DSCAM: variants seen among roughly 807,000 people sequenced by gnomAD.
The protein encoded by DSCAM is DS cell adhesion molecule.
A neutral mutation model predicts 217.7 loss-of-function variants in DSCAM; 47 were observed. The ratio of observed to expected loss-of-function variants is 0.22; its 90% CI spans 0.17 to 0.28. DSCAM has a LOEUF of 0.28. DSCAM is among the 10% of genes least tolerant of loss of function. The pLI is 1.00. For synonymous variants in DSCAM, 1,056 were observed against 1,015.3 expected, an observed-to-expected ratio of 1.04 and a Z score of -0.76; for missense variants, 2,080 against 2,618.3, an observed-to-expected ratio of 0.79 and a Z score of 4.49.
intron 15 of DSCAM, among the ~76,000 whole-genome samples, chr21:40,176,663 GA>G (rs1312846558): frequency 1.3e-5 from 2 of 152,198 alleles, no homozygotes; most frequent in African/African-American, 4.8e-5. Context: ...TTCATTTCTA[GA>G]ACCTGCTCCT....
chr21:40,688,463 C>T lies in DSCAM; in HGVS notation c.508+4347G>A, dbSNP rs13052618. Among the ~76,000 whole-genome samples the T allele has an allele frequency of 3.7e-3, 567 of 152,304 alleles. 2 individuals carry two copies. The highest frequency in any genetic ancestry group is 6.8e-3 in the Non-Finnish European group (460 of 68,032). ...CAAAAGCATGTCATTATTCAAGCTA[C>T]TATATTTTTACTGGGCTACATTAAT... On this transcript the variant is annotated intron_variant, in intron 3 of 32. Transcript: ENST00000400454.
Position 40,316,338 on chromosome 21 carries a change from T to G in DSCAM, c.1784-3979A>C, listed in dbSNP as rs566667800. 2.6e-5 allele frequency among the ~76,000 whole-genome samples: 4 copies of G among 152,344 alleles called. No homozygotes were observed. In the South Asian group the frequency reaches 8.3e-4, roughly 32 times the overall value. ...CCTATTTGTCAATCATGTCAATTCTTTCTTCACTGCTTAAGTTGCCTTGCT... is the reference window on the plus strand; with the variant it reads ...CCTATTTGTCAATCATGTCAATTCTGTCTTCACTGCTTAAGTTGCCTTGCT... On this transcript the variant is annotated intron_variant, in intron 8 of 32. Coordinates refer to ENST00000400454, the MANE Select transcript of DSCAM (RefSeq NM_001389.5).
intron 4 of DSCAM, among the ~76,000 whole-genome samples, chr21:40,358,869 T>C (rs1042147377): frequency 1.4e-5 from 2 of 146,812 alleles, no homozygotes; most frequent in Admixed American, 6.8e-5. Context: ...TGAAAAAAAA[T>C]TGAAAATCAT....
chr21:40,175,805 A>ACACACACACACACACG (rs879840957), intron 15 of DSCAM, among the ~76,000 whole-genome samples: 4 of 112,536 alleles, frequency 3.6e-5, no homozygotes, highest in East Asian at 4.8e-4. Flanking sequence ...ACACACACAC[A>ACACACACACACACACG]CACGCACACA....
chr21:40,662,674 G>A (rs1020719483), intron 3 of DSCAM, among the ~76,000 whole-genome samples: 1 of 152,136 alleles, frequency 6.6e-6, no homozygotes, highest in African/African-American at 2.4e-5. Flanking sequence ...ATGGGAGGTG[G>A]GGCAGAATGG....
At chr21:40,757,633 A>G (rs777556971) in intron 1 of DSCAM, among the ~76,000 whole-genome samples, 10 of 152,218 alleles carry the variant, frequency 6.6e-5, no homozygotes, top group Non-Finnish European at 1.2e-4. Flanking sequence ...CAGAGGGTAA[A>G]GAGCATGTGC....
At chr21:40,212,989 G>T (rs76605611) in intron 11 of DSCAM, among the ~76,000 whole-genome samples, 1 of 152,172 alleles carries the variant, frequency 6.6e-6, no homozygotes, top group Admixed American at 6.5e-5. Context: ...GGAGAGGTGA[G>T]GAACTGATGT....
At chr21:40,058,829 C>G (rs1482260350) in intron 28 of DSCAM, among the ~76,000 whole-genome samples, 1 of 152,176 alleles carries the variant, frequency 6.6e-6, no homozygotes, top group African/African-American at 2.4e-5. Flanking sequence ...CATTTGCAAC[C>G]TGGAAAAACA....
At chr21:40,127,788 C>G (rs2146677495) in intron 19 of DSCAM, among the ~76,000 whole-genome samples, 1 of 152,218 alleles carries the variant, frequency 6.6e-6, no homozygotes, top group South Asian at 2.1e-4. Flanking sequence ...CTTGATGGGC[C>G]CTTTGGAGGT....
chr21:40,560,183 G>GA (rs1165009441), intron 3 of DSCAM, among the ~76,000 whole-genome samples: 1 of 152,152 alleles, frequency 6.6e-6, no homozygotes, highest in African/African-American at 2.4e-5. Context: ...TAGGAGCAGA[G>GA]AGGCAGCATT....
chr21:40,731,728 A>ACCCCCCCCCC (rs148482159), intron 1 of DSCAM, among the ~76,000 whole-genome samples: 19 of 79,740 alleles, frequency 2.4e-4, no homozygotes, highest in Middle Eastern at 7.1e-3. Flanking sequence ...TTCCCACTGC[A>ACCCCCCCCCC]CCCCCCCCCC....
At chr21:40,716,036 A>C (rs1476003933) in intron 1 of DSCAM, among the ~76,000 whole-genome samples, 1 of 152,322 alleles carries the variant, frequency 6.6e-6, no homozygotes, top group South Asian at 2.1e-4. Context: ...GACTGCAGGA[A>C]AAAAATGATA....
At chr21:40,305,656 A>G (rs1004710094) in intron 9 of DSCAM, among the ~76,000 whole-genome samples, 3 of 152,148 alleles carry the variant, frequency 2.0e-5, no homozygotes, top group African/African-American at 7.2e-5. Context: ...AGCTTTCTAC[A>G]TATGGCTAGC....
rs1490722932 is a variant in DSCAM at position 40,399,201 on chromosome 21, T to C, written c.509-29956A>G. Among the ~76,000 whole-genome samples, 4 of 151,978 alleles carry C rather than the reference T, an allele frequency of 2.6e-5. No homozygotes were observed. The East Asian group carries it at 7.7e-4, about 29-fold the overall frequency. ...AGGAAGACTGCTTGAAACTGGGAGG[T>C]CAAGGCTGCAGAGAGCTATGACTGT... On this transcript the variant is annotated intron_variant, in intron 3 of 32. Coordinates refer to ENST00000400454, the MANE Select transcript of DSCAM (RefSeq NM_001389.5).
At chr21:40,479,654 G>A (rs1471812404) in intron 3 of DSCAM, among the ~76,000 whole-genome samples, 1 of 152,018 alleles carries the variant, frequency 6.6e-6, no homozygotes, top group Admixed American at 6.6e-5. Flanking sequence ...GAACAGCATG[G>A]GTAAACCTGC....
At chr21:40,219,946 C>G (rs1385311717) in intron 11 of DSCAM, among the ~76,000 whole-genome samples, 1 of 152,168 alleles carries the variant, frequency 6.6e-6, no homozygotes, top group Non-Finnish European at 1.5e-5. Flanking sequence ...ATATTCTATA[C>G]TTCCATAAAA....
At chr21:40,702,058 C>T (rs763003370) in intron 2 of DSCAM, among the ~76,000 whole-genome samples, 14 of 152,080 alleles carry the variant, frequency 9.2e-5, no homozygotes, top group Non-Finnish European at 2.1e-4. Flanking sequence ...TTTGATATGT[C>T]TGATTCTCAT....
intron 27 of DSCAM, among the ~76,000 whole-genome samples, chr21:40,067,949 A>G (rs2089235559): frequency 6.6e-6 from 1 of 151,992 alleles, no homozygotes; most frequent in South Asian, 2.1e-4. Context: ...ACAGCTAAAC[A>G]GCCCTTGCAT....
chr21:40,712,974 T>C (rs1436792077), intron 1 of DSCAM, among the ~76,000 whole-genome samples: 1 of 152,216 alleles, frequency 6.6e-6, no homozygotes, highest in Non-Finnish European at 1.5e-5. Context: ...ACACACAATG[T>C]AGATGTCTCC....
Sources: gnomAD v4.1 joint callset for allele counts (sites outside exome capture counted in the v4.1 genomes callset) on GRCh38, gnomAD v4.1.1 for gene constraint, MANE v1.5 for transcripts, NCBI Gene and HGNC (gene_info 2026-07-23, HGNC 2026-07-21) for gene names.